FBXO11: variants seen among roughly 807,000 people sequenced by gnomAD.
FBXO11 encodes F-box only protein 11.
In FBXO11, 13 loss-of-function variants were observed where a neutral mutation model predicts 117.0. That is an observed-to-expected ratio of 0.11 (90% confidence interval 0.07 to 0.18). The LOEUF is 0.18. Ranked by LOEUF, FBXO11 falls within the 10% of genes least tolerant of loss-of-function variation. FBXO11 has a pLI of 1.00. For synonymous variants in FBXO11, 490 were observed against 380.5 expected, an observed-to-expected ratio of 1.29 and a Z score of -3.35; for missense variants, 767 against 1,164.4, an observed-to-expected ratio of 0.66 and a Z score of 4.97.
At chr2:47,904,530 T>C (rs1435011594) in intron 1 of FBXO11, among the ~76,000 whole-genome samples, 1 of 151,672 alleles carries the variant, frequency 6.6e-6, no homozygotes, top group Non-Finnish European at 1.5e-5. Context: ...TGGGTCCAAA[T>C]GACACATTTC....
At chr2:47,899,847 G>A (rs1358512031) in intron 1 of FBXO11, among the ~76,000 whole-genome samples, 1 of 151,090 alleles carries the variant, frequency 6.6e-6, no homozygotes, top group African/African-American at 2.4e-5. Context: ...CAAAATAAGA[G>A]TAACTTTAAT....
In FBXO11 at chr2:47,839,411, G is replaced by A. The variant is rs1558430688; in HGVS notation, c.442+8C>T. 3 of 1,606,016 alleles carry A rather than the reference G, an allele frequency of 1.9e-6. No homozygotes were observed. The highest frequency in any genetic ancestry group is 2.2e-5 in the East Asian group (1 of 44,840). ...TTACCCTATTTGTTACTTTCCCACA[G>A]GAAATACCTGATAGATCTTGTGATT... is the stretch of plus-strand genomic sequence containing the variant. On this transcript the variant is annotated splice_region_variant and intron_variant, in intron 3 of 22. Transcript: ENST00000403359.
At chr2:47,902,438 T>A (rs1377520308) in intron 1 of FBXO11, among the ~76,000 whole-genome samples, 1 of 152,092 alleles carries the variant, frequency 6.6e-6, no homozygotes, top group African/African-American at 2.4e-5. Flanking sequence ...CTTTGAAAAA[T>A]CCTCAAAGAT....
intron 1 of FBXO11, among the ~76,000 whole-genome samples, chr2:47,893,214 G>A (rs999318697): frequency 7.4e-5 from 11 of 148,624 alleles, no homozygotes; most frequent in African/African-American, 2.7e-4. Context: ...GACCGTGGGG[G>A]TCAAAACAAG....
chr2:47,902,108 G>C (rs1678342354), intron 1 of FBXO11, among the ~76,000 whole-genome samples: 2 of 151,990 alleles, frequency 1.3e-5, no homozygotes, highest in Admixed American at 6.6e-5. Flanking sequence ...GCTCATTTTT[G>C]TATTTCTAGT....
intron 1 of FBXO11, among the ~76,000 whole-genome samples, chr2:47,878,761 T>A (rs1488427767): frequency 6.6e-6 from 1 of 151,304 alleles, no homozygotes; most frequent in Non-Finnish European, 1.5e-5. Flanking sequence ...GCAGATCACC[T>A]GAGGTCAGGA....
intron 1 of FBXO11, among the ~76,000 whole-genome samples, chr2:47,870,961 C>T (rs1168601531): frequency 6.6e-6 from 1 of 152,176 alleles, no homozygotes; most frequent in Non-Finnish European, 1.5e-5. Context: ...ACTTGAGCTC[C>T]AGAATGGCTG....
At chr2:47,886,932 G>T (rs139393227) in intron 1 of FBXO11, among the ~76,000 whole-genome samples, 1 of 152,058 alleles carries the variant, frequency 6.6e-6, no homozygotes, top group Non-Finnish European at 1.5e-5. Flanking sequence ...CCAGCTAATC[G>T]AGAGGCAGAG....
chr2:47,826,037 A>G (rs575627473), intron 11 of FBXO11, among the ~76,000 whole-genome samples: 1 of 148,616 alleles, frequency 6.7e-6, no homozygotes, highest in African/African-American at 2.6e-5. Flanking sequence ...TACAGAGTTA[A>G]GAGACTCAAG....
chr2:47,809,005 A>G (rs1670428151), intron 21 of FBXO11, 153 bp downstream of exon 21: 2 of 540,430 alleles, frequency 3.7e-6, no homozygotes, highest in Non-Finnish European at 3.3e-6. Flanking sequence ...CCACAGTTAC[A>G]GTCTTAAACA....
chr2:47,891,345 C>G (rs1677246497), intron 1 of FBXO11, among the ~76,000 whole-genome samples: 1 of 152,156 alleles, frequency 6.6e-6, no homozygotes, highest in Admixed American at 6.5e-5. Flanking sequence ...ATAAATTTGA[C>G]TATTTCAGAT....
intron 1 of FBXO11, among the ~76,000 whole-genome samples, chr2:47,869,163 T>C (rs899357872): frequency 5.3e-5 from 8 of 152,152 alleles, no homozygotes; most frequent in Non-Finnish European, 8.8e-5. Context: ...ACGGTGGAAA[T>C]AGGAGTGACA....
chr2:47,817,735 CAG>C (rs1671102328), intron 16 of FBXO11, among the ~76,000 whole-genome samples: 1 of 152,206 alleles, frequency 6.6e-6, no homozygotes, highest in Non-Finnish European at 1.5e-5. Flanking sequence ...AGGAGAGGGA[CAG>C]AGATGGGAAT....
intron 7 of FBXO11, among the ~76,000 whole-genome samples, chr2:47,833,605 T>G (rs1474469690): frequency 6.6e-6 from 1 of 152,114 alleles, no homozygotes; most frequent in Non-Finnish European, 1.5e-5. Flanking sequence ...ATCCTCAAAA[T>G]AAAAAAACCA....
At chr2:47,861,236 A>G (rs181098250) in intron 1 of FBXO11, among the ~76,000 whole-genome samples, 1 of 152,158 alleles carries the variant, frequency 6.6e-6, no homozygotes, top group East Asian at 1.9e-4. Context: ...TCTTGTAAAA[A>G]CATATACATC....
intron 1 of FBXO11, among the ~76,000 whole-genome samples, chr2:47,894,936 T>C (rs890760370): frequency 3.3e-5 from 5 of 152,146 alleles, no homozygotes; most frequent in Non-Finnish European, 7.3e-5. Context: ...AAGACTGAAC[T>C]GTTAAAGGAT....
intron 1 of FBXO11, among the ~76,000 whole-genome samples, chr2:47,858,696 A>AG (rs1392113209): frequency 3.3e-5 from 5 of 150,764 alleles, no homozygotes; most frequent in African/African-American, 1.2e-4. Context: ...AAAAAAAAAA[A>AG]AAAAGAAAAG....
intron 1 of FBXO11, among the ~76,000 whole-genome samples, chr2:47,846,838 C>G (rs990661853): frequency 2.0e-5 from 3 of 152,026 alleles, no homozygotes; most frequent in African/African-American, 7.2e-5. Flanking sequence ...ACACAGCATG[C>G]CTCTATTCAG....
intron 7 of FBXO11, 77 bp from the exon 8 acceptor site, chr2:47,833,147 A>C: frequency 1.1e-6 from 1 of 917,414 alleles, no homozygotes; most frequent in South Asian, 1.4e-5. Context: ...GGGGGAACTT[A>C]CTAAAAACAT....
Sources: gnomAD v4.1 joint callset for allele counts (sites outside exome capture counted in the v4.1 genomes callset) on GRCh38, gnomAD v4.1.1 for gene constraint, MANE v1.5 for transcripts, NCBI Gene and HGNC (gene_info 2026-07-23, HGNC 2026-07-21) for gene names.